The following GUCY1A2 variants were observed in gnomAD, a reference collection of about 807,000 sequenced individuals.
GUCY1A2 encodes the protein guanylate cyclase 1 soluble subunit alpha 2, also known as guanylate cyclase soluble subunit alpha-2.
A neutral mutation model predicts 63.5 loss-of-function variants in GUCY1A2; 27 were observed. The ratio of observed to expected loss-of-function variants is 0.43; its 90% CI spans 0.31 to 0.59. The LOEUF (loss-of-function observed/expected upper bound fraction) is 0.59, where lower values mean the gene tolerates loss of function less well. GUCY1A2 is among the 20% of genes least tolerant of loss of function. The pLI, the probability that GUCY1A2 is intolerant of heterozygous loss-of-function variation, is 0.11. For synonymous variants in GUCY1A2, 364 were observed against 343.5 expected, an observed-to-expected ratio of 1.06 and a Z score of -0.66; for missense variants, 768 against 913.3, an observed-to-expected ratio of 0.84 and a Z score of 2.05.
At chr11:107,011,210 C>T (rs1225200526) in intron 1 of GUCY1A2, among the ~76,000 whole-genome samples, 1 of 152,148 alleles carries the variant, frequency 6.6e-6, no homozygotes, top group Non-Finnish European at 1.5e-5. Context: ...TATGTGCCTA[C>T]ATGTGTGTGA....
chr11:106,708,438 G>T, intron 7 of GUCY1A2, 74 bp downstream of exon 7: 1 of 1,169,112 alleles, frequency 8.6e-7, no homozygotes, highest in African/African-American at 1.5e-5. Flanking sequence ...AAAAAGAACA[G>T]GGACTCACAG....
intron 4 of GUCY1A2, among the ~76,000 whole-genome samples, chr11:106,938,854 T>G (rs1167529065): frequency 1.3e-5 from 2 of 152,210 alleles, no homozygotes; most frequent in African/African-American, 4.8e-5. Context: ...CACAAAAAAT[T>G]TCCTAGTCTT....
intron 5 of GUCY1A2, among the ~76,000 whole-genome samples, chr11:106,797,386 A>T (rs1178513499): frequency 6.6e-6 from 1 of 152,116 alleles, no homozygotes; most frequent in African/African-American, 2.4e-5. Flanking sequence ...ACAGAAAGTT[A>T]AAAAGGATAT....
intron 1 of GUCY1A2, among the ~76,000 whole-genome samples, chr11:106,999,069 C>A (rs957660716): frequency 2.6e-5 from 4 of 152,198 alleles, no homozygotes; most frequent in African/African-American, 9.7e-5. Context: ...GAGCTATCTC[C>A]ATCCCACCCA....
At chr11:106,808,022 T>C (rs189125256) in intron 5 of GUCY1A2, among the ~76,000 whole-genome samples, 187 of 152,292 alleles carry the variant, frequency 1.2e-3, no homozygotes, top group South Asian at 3.1e-3. Context: ...GCTCCTCAAC[T>C]TGCAGATAGC....
intron 6 of GUCY1A2, among the ~76,000 whole-genome samples, chr11:106,723,658 AT>A (rs1565269555): frequency 1.3e-5 from 2 of 152,188 alleles, no homozygotes; most frequent in African/African-American, 4.8e-5. Flanking sequence ...CCCTGTCTCT[AT>A]TAAAAGTACA....
rs763758813 is a variant in GUCY1A2 at position 106,959,202 on chromosome 11, TGAAA to T, written c.488-19028_488-19025del. Among the ~76,000 whole-genome samples, 14 of 152,318 alleles carry T rather than the reference TGAAA, an allele frequency of 9.2e-5. No homozygotes were observed. In the East Asian group the frequency reaches 2.7e-3, roughly 29 times the overall value. On this transcript the variant is annotated intron_variant, in intron 3 of 7. Coordinates refer to ENST00000526355, the MANE Select transcript of GUCY1A2 (RefSeq NM_000855.3). Reference sequence around the variant, plus strand: ...AAAACACAAGGGAAAGGCTGAGACCTGAAAGAATTTTTTTAATGGTCATCTTTTA... The same window carrying T: ...AAAACACAAGGGAAAGGCTGAGACCTGAATTTTTTTAATGGTCATCTTTTA...
intron 4 of GUCY1A2, among the ~76,000 whole-genome samples, chr11:106,904,570 G>T (rs1423469550): frequency 1.3e-5 from 2 of 151,708 alleles, no homozygotes; most frequent in Non-Finnish European, 2.9e-5. Context: ...TGATACGATG[G>T]GCTTTTTAAA....
intron 3 of GUCY1A2, among the ~76,000 whole-genome samples, chr11:106,971,219 A>ATGTGTGTGTGTGTG (rs67190015): frequency 2.1e-4 from 31 of 149,272 alleles, no homozygotes; most frequent in African/African-American, 7.6e-4. Flanking sequence ...ACAAATTTAA[A>ATGTGTGTGTGTGTG]TGTGTGTGTG....
intron 3 of GUCY1A2, among the ~76,000 whole-genome samples, chr11:106,944,222 A>AAAAAAAAAAAAAAAAAAAAAAAAAAAC: frequency 7.2e-6 from 1 of 139,198 alleles, no homozygotes; most frequent in Non-Finnish European, 1.6e-5. Flanking sequence ...CTCCAAAAAA[A>AAAAAAAAAAAAAAAAAAAAAAAAAAAC]AAAAAAAAAA....
chr11:106,906,328 C>T (rs999103231), intron 4 of GUCY1A2, among the ~76,000 whole-genome samples: 5 of 152,130 alleles, frequency 3.3e-5, no homozygotes, highest in Non-Finnish European at 5.9e-5. Context: ...AGCCAACAAA[C>T]ATATGAAAAA....
At chr11:107,009,948 C>T (rs1861721410) in intron 1 of GUCY1A2, among the ~76,000 whole-genome samples, 1 of 152,150 alleles carries the variant, frequency 6.6e-6, no homozygotes, top group Admixed American at 6.5e-5. Flanking sequence ...CTCCCTGGAA[C>T]TATCCAACCA....
intron 4 of GUCY1A2, chr11:106,826,531 C>T (rs1364981418): frequency 3.9e-5 from 63 of 1,602,614 alleles, no homozygotes; most frequent in Middle Eastern, 1.7e-4. Context: ...TCCCATCATT[C>T]GTCCATTTTG....
At chr11:106,841,805 G>A (rs1433376120) in intron 4 of GUCY1A2, among the ~76,000 whole-genome samples, 3 of 151,868 alleles carry the variant, frequency 2.0e-5, no homozygotes, top group Non-Finnish European at 4.4e-5. Context: ...ATAAGTGTAT[G>A]AACATATATG....
intron 5 of GUCY1A2, among the ~76,000 whole-genome samples, chr11:106,806,441 A>C (rs1858687849): frequency 6.6e-6 from 1 of 152,202 alleles, no homozygotes; most frequent in Non-Finnish European, 1.5e-5. Flanking sequence ...CTGCTTATCT[A>C]AAATCAAAGG....
chr11:106,817,599 T>C (rs188835406), intron 4 of GUCY1A2, among the ~76,000 whole-genome samples: 2 of 152,174 alleles, frequency 1.3e-5, no homozygotes, highest in East Asian at 1.9e-4. Flanking sequence ...TTGCAAACCA[T>C]ATATCTTACA....
chr11:106,801,005 T>A (rs1368700628), intron 5 of GUCY1A2, among the ~76,000 whole-genome samples: 1 of 152,134 alleles, frequency 6.6e-6, no homozygotes, highest in Non-Finnish European at 1.5e-5. Context: ...CCAGTCTATT[T>A]CACTGTTAGA....
rs557045074 is a variant in GUCY1A2, at chr11:106,835,740, G to A, written c.1207-25262C>T. ...AATGGAATAATATTTTCAATGGATT[G>A]AGAAATAATAACTGTCATCCTAGTG... is the stretch of plus-strand genomic sequence containing the variant. On this transcript the variant is annotated intron_variant, in intron 4 of 7. Transcript: ENST00000526355. 2.2e-4 allele frequency among the ~76,000 whole-genome samples: 34 copies of A among 151,998 alleles called. 1 individual carries two copies. The East Asian group carries it at 2.7e-3, about 12-fold the overall frequency.
chr11:106,981,454 T>C (rs1225720413), intron 2 of GUCY1A2, among the ~76,000 whole-genome samples: 1 of 147,860 alleles, frequency 6.8e-6, no homozygotes, highest in Non-Finnish European at 1.5e-5. Context: ...TCCATGATAT[T>C]AACACAGCAA....
Sources: gnomAD v4.1 joint callset for allele counts (sites outside exome capture counted in the v4.1 genomes callset) on GRCh38, gnomAD v4.1.1 for gene constraint, MANE v1.5 for transcripts, NCBI Gene and HGNC (gene_info 2026-07-23, HGNC 2026-07-21) for gene names.